The following RBFOX1 variants were observed in gnomAD, a reference collection of about 807,000 sequenced individuals.
RBFOX1 encodes RNA binding fox-1 homolog 1, also known as RNA binding protein fox-1 homolog 1.
A neutral mutation model predicts 57.7 loss-of-function variants in RBFOX1; 8 were observed. The observed-to-expected ratio is 0.14, with a 90% CI of 0.08 to 0.25. The LOEUF is 0.25. Among genes scored for constraint, RBFOX1 ranks in the 10% least tolerant of loss-of-function variants. The pLI is 1.00. For missense variants in RBFOX1, 611 were observed against 548.5 expected (o/e 1.11, Z -1.14); for synonymous variants, 326 against 222.4 (o/e 1.47, Z -4.15).
chr16:6,291,781 T>C (rs2077491449), intron 1 of RBFOX1, among the ~76,000 whole-genome samples: 2 of 152,210 alleles, frequency 1.3e-5, no homozygotes, highest in Non-Finnish European at 2.9e-5. Context: ...CTTTAAATAT[T>C]GAAACCTTGA....
chr16:5,632,856 A>G (rs1177797253), intron 3 of RBFOX1, among the ~76,000 whole-genome samples: 4 of 151,842 alleles, frequency 2.6e-5, no homozygotes, highest in Non-Finnish European at 4.4e-5. Flanking sequence ...GAATTTCCGT[A>G]ACTTTCTCCA....
chr16:5,326,555 C>G (rs758400766), intron 1 of RBFOX1, among the ~76,000 whole-genome samples: 1 of 152,144 alleles, frequency 6.6e-6, no homozygotes, highest in Non-Finnish European at 1.5e-5. Context: ...CACTCCCTGC[C>G]CATTCTAGAC....
chr16:6,453,099 C>G (rs1475295567), intron 2 of RBFOX1, among the ~76,000 whole-genome samples: 1 of 152,096 alleles, frequency 6.6e-6, no homozygotes, highest in Admixed American at 6.6e-5. Context: ...ATAGACAAAG[C>G]CCCTGACTTT....
At chr16:7,200,035 T>G (rs1019903829) in intron 4 of RBFOX1, among the ~76,000 whole-genome samples, 1 of 152,224 alleles carries the variant, frequency 6.6e-6, no homozygotes, top group Non-Finnish European at 1.5e-5. Flanking sequence ...GAGCCAGATT[T>G]CTGGGAAATT....
chr16:6,246,986 C>A (rs1366006602), intron 1 of RBFOX1, among the ~76,000 whole-genome samples: 1 of 152,130 alleles, frequency 6.6e-6, no homozygotes, highest in Non-Finnish European at 1.5e-5. Flanking sequence ...AGGAGAATCG[C>A]TTGAACCCAG....
At chr16:6,228,976 C>T (rs934078704) in intron 1 of RBFOX1, among the ~76,000 whole-genome samples, 1 of 151,810 alleles carries the variant, frequency 6.6e-6, no homozygotes, top group African/African-American at 2.4e-5. Flanking sequence ...GAAAAAAGTT[C>T]TTGGCGTTTA....
intron 4 of RBFOX1, among the ~76,000 whole-genome samples, chr16:7,083,546 A>C (rs1205107158): frequency 1.3e-5 from 2 of 152,082 alleles, no homozygotes; most frequent in African/African-American, 4.8e-5. Flanking sequence ...CCGTGGATCA[A>C]ATGGGTTTCT....
intron 3 of RBFOX1, among the ~76,000 whole-genome samples, chr16:6,784,244 A>T (rs1385469464): frequency 6.6e-6 from 1 of 150,878 alleles, no homozygotes; most frequent in Admixed American, 6.6e-5. Context: ...AAGGCCAGTG[A>T]CTCTTAGATT....
intron 4 of RBFOX1, among the ~76,000 whole-genome samples, chr16:7,505,244 A>G (rs1362570133): frequency 6.9e-6 from 1 of 145,276 alleles, no homozygotes; most frequent in Non-Finnish European, 1.5e-5. Context: ...TGATGGACCA[A>G]AAAAAAAAAA....
At chr16:6,262,482 C>T (rs374685206) in intron 1 of RBFOX1, among the ~76,000 whole-genome samples, 1 of 152,100 alleles carries the variant, frequency 6.6e-6, no homozygotes, top group African/African-American at 2.4e-5. Context: ...CTGTTTGCCT[C>T]ATCCATATTG....
chr16:6,498,243 C>G (rs2095825729), intron 2 of RBFOX1, among the ~76,000 whole-genome samples: 1 of 133,864 alleles, frequency 7.5e-6, no homozygotes, highest in African/African-American at 2.7e-5. Context: ...CAGAGAGGAA[C>G]TCCGTCTCAA....
intron 3 of RBFOX1, among the ~76,000 whole-genome samples, chr16:6,708,146 G>A (rs926038257): frequency 2.6e-5 from 4 of 152,208 alleles, no homozygotes; most frequent in Admixed American, 6.5e-5. Flanking sequence ...CTTGGGGAGC[G>A]GGGGATGTTG....
chr16:7,540,839 G>C (rs939105619), intron 5 of RBFOX1, among the ~76,000 whole-genome samples: 1 of 152,206 alleles, frequency 6.6e-6, no homozygotes, highest in African/African-American at 2.4e-5. Context: ...CTAAGGCTCA[G>C]AGAAGTCTTA....
At chr16:5,426,319 T>A (rs1257966971) in intron 1 of RBFOX1, among the ~76,000 whole-genome samples, 3 of 152,170 alleles carry the variant, frequency 2.0e-5, no homozygotes, top group African/African-American at 7.2e-5. Flanking sequence ...AGGATGTCTG[T>A]AAGCAGGAGG....
intron 3 of RBFOX1, among the ~76,000 whole-genome samples, chr16:6,885,260 T>C (rs1009951838): frequency 3.3e-5 from 5 of 152,156 alleles, no homozygotes; most frequent in Admixed American, 6.5e-5. Context: ...AGCGTCAGCA[T>C]CACCTGGAAA....
At chr16:6,433,558 C>T (rs2094153218) in intron 2 of RBFOX1, among the ~76,000 whole-genome samples, 1 of 152,128 alleles carries the variant, frequency 6.6e-6, no homozygotes, top group South Asian at 2.1e-4. Context: ...AACAAATTAC[C>T]ACAAATTCAG....
chr16:7,278,160 G>A (rs1312622446), intron 4 of RBFOX1, among the ~76,000 whole-genome samples: 1 of 152,068 alleles, frequency 6.6e-6, no homozygotes, highest in African/African-American at 2.4e-5. Context: ...CTGTGCACGT[G>A]GTTTTAAGTT....
chr16:7,522,173 A>G (rs2077654618), intron 5 of RBFOX1, among the ~76,000 whole-genome samples: 1 of 152,236 alleles, frequency 6.6e-6, no homozygotes, highest in Admixed American at 6.5e-5. Flanking sequence ...AGAATAAATC[A>G]TTAAAGAAAC....
chr16:5,411,622 C>A (rs1252676248), intron 1 of RBFOX1, among the ~76,000 whole-genome samples: 1 of 152,024 alleles, frequency 6.6e-6, no homozygotes. Flanking sequence ...AGTAGTTGGC[C>A]GGGTGCAGTG....
Sources: gnomAD v4.1 joint callset for allele counts (sites outside exome capture counted in the v4.1 genomes callset) on GRCh38, gnomAD v4.1.1 for gene constraint, MANE v1.5 for transcripts, NCBI Gene and HGNC (gene_info 2026-07-23, HGNC 2026-07-21) for gene names.